The following DOCK3 variants were observed in gnomAD, a reference collection of about 807,000 sequenced individuals.
DOCK3 encodes dedicator of cytokinesis 3.
Under a neutral mutation model 265.6 loss-of-function variants are expected in DOCK3, and 60 were observed. The observed-to-expected ratio is 0.23, with a 90% confidence interval of 0.18 to 0.28. The LOEUF (loss-of-function observed/expected upper bound fraction) is 0.28. Ranked by LOEUF, DOCK3 falls within the 10% of genes least tolerant of loss-of-function variation. The pLI, the probability that DOCK3 is intolerant of heterozygous loss-of-function variation, is 1.00. For synonymous variants in DOCK3, 881 were observed against 938.0 expected, an observed-to-expected ratio of 0.94 and a Z score of 1.11; for missense variants, 1,981 against 2,594.3, an observed-to-expected ratio of 0.76 and a Z score of 5.14.
chr3:51,308,364 G>A (rs2082826749), intron 27 of DOCK3, among the ~76,000 whole-genome samples: 2 of 151,622 alleles, frequency 1.3e-5, no homozygotes, highest in African/African-American at 4.9e-5. Flanking sequence ...AGGACCCTGC[G>A]GCCTTCCGCA....
intron 5 of DOCK3, among the ~76,000 whole-genome samples, chr3:51,027,531 A>G (rs2079871508): frequency 6.6e-6 from 1 of 151,998 alleles, no homozygotes; most frequent in Non-Finnish European, 1.5e-5. Context: ...AATTCTGTCA[A>G]TGGGGTTTTG....
chr3:51,279,969 G>A (rs1265738709), intron 26 of DOCK3, 137 bp from the exon 27 acceptor site: 2 of 681,518 alleles, frequency 2.9e-6, no homozygotes, highest in Non-Finnish European at 2.5e-6. Flanking sequence ...AAGCTTTAGA[G>A]GGCTAGATTT....
intron 8 of DOCK3, among the ~76,000 whole-genome samples, 178 bp from the exon 9 acceptor site, chr3:51,090,052 C>T (rs2082578880): frequency 2.0e-5 from 3 of 148,232 alleles, no homozygotes; most frequent in Non-Finnish European, 3.0e-5. Context: ...CTTGCTTGCC[C>T]ACCTCAACCC....
chr3:50,828,386 A>G (rs2044906386), intron 2 of DOCK3, among the ~76,000 whole-genome samples: 1 of 152,050 alleles, frequency 6.6e-6, no homozygotes, highest in Admixed American at 6.6e-5. Flanking sequence ...TCGTTTGCCC[A>G]CATTTTTTAC....
intron 6 of DOCK3, among the ~76,000 whole-genome samples, chr3:51,067,466 T>TGTGTG: frequency 7.8e-6 from 1 of 128,118 alleles, no homozygotes; most frequent in African/African-American, 3.1e-5. Flanking sequence ...TGCGCGCGCG[T>TGTGTG]TGGAGGGGTA....
chr3:50,829,467 A>G (rs1043680389), intron 2 of DOCK3, among the ~76,000 whole-genome samples: 2 of 152,020 alleles, frequency 1.3e-5, no homozygotes, highest in African/African-American at 4.8e-5. Context: ...ACTGTAATTC[A>G]CTTCTTTCTG....
chr3:51,126,192 T>G (rs908580896), intron 9 of DOCK3, among the ~76,000 whole-genome samples: 1 of 152,204 alleles, frequency 6.6e-6, no homozygotes, highest in Non-Finnish European at 1.5e-5. Flanking sequence ...ATTCATTTAT[T>G]TATCTGATCA....
chr3:51,302,373 CTT>C (rs746139443), intron 27 of DOCK3, among the ~76,000 whole-genome samples: 2 of 152,116 alleles, frequency 1.3e-5, no homozygotes, highest in East Asian at 1.9e-4. Flanking sequence ...GGTCTTGACT[CTT>C]TATACAGTTT....
intron 38 of DOCK3, among the ~76,000 whole-genome samples, chr3:51,344,188 C>T (rs555088261): frequency 6.6e-6 from 1 of 152,322 alleles, no homozygotes; most frequent in African/African-American, 2.4e-5. Flanking sequence ...ATGACTGTTA[C>T]TTCTAATATG....
chr3:50,727,814 A>G (rs1277782071), intron 1 of DOCK3, among the ~76,000 whole-genome samples: 1 of 152,242 alleles, frequency 6.6e-6, no homozygotes, highest in Non-Finnish European at 1.5e-5. Flanking sequence ...AAACAAGCTA[A>G]AGAAGCAAAA....
At chr3:50,724,937 G>A (rs2037719652) in intron 1 of DOCK3, among the ~76,000 whole-genome samples, 1 of 151,542 alleles carries the variant, frequency 6.6e-6, no homozygotes, top group South Asian at 2.1e-4. Context: ...AGGTTGCAGT[G>A]AGCCGAGATA....
Position 50,900,175 on chromosome 3 carries a change from T to C in DOCK3, c.218+10094T>C, listed in dbSNP as rs534007953. On this transcript the variant is annotated intron_variant, in intron 4 of 52. Transcript: ENST00000266037. ...ATTTCTTGGAGGCGTTTTTCGTTTC[T>C]TTTCATTCTTTATTCTCTTATCTTG... Among the ~76,000 whole-genome samples, 8 of 152,346 alleles carry C rather than the reference T, an allele frequency of 5.3e-5. No individual in the cohort carries two copies. The East Asian group carries it at 1.5e-3, about 29-fold the overall frequency.
At chr3:50,916,418 C>T (rs923896313) in intron 4 of DOCK3, among the ~76,000 whole-genome samples, 13 of 151,972 alleles carry the variant, frequency 8.6e-5, no homozygotes, top group Non-Finnish European at 1.2e-4. Context: ...GAGATGGGCC[C>T]GATGCTTCCT....
At chr3:50,891,493 T>C (rs879459656) in intron 4 of DOCK3, among the ~76,000 whole-genome samples, 3 of 152,068 alleles carry the variant, frequency 2.0e-5, no homozygotes, top group Non-Finnish European at 4.4e-5. Flanking sequence ...TTGCAACAAA[T>C]AATCTGCCAT....
chr3:51,069,738 C>T (rs894762467), intron 6 of DOCK3, among the ~76,000 whole-genome samples: 2 of 152,094 alleles, frequency 1.3e-5, no homozygotes, highest in African/African-American at 4.8e-5. Context: ...TTATGTCTCT[C>T]ATCAAGGGAA....
chr3:50,752,500 T>C (rs1576333988), intron 1 of DOCK3, among the ~76,000 whole-genome samples: 2 of 93,482 alleles, frequency 2.1e-5, no homozygotes, highest in Admixed American at 2.7e-4. Context: ...AGAGCGAGAG[T>C]CCGTCTCAAA....
intron 12 of DOCK3, among the ~76,000 whole-genome samples, chr3:51,190,992 A>G (rs2087906387): frequency 6.6e-6 from 1 of 152,150 alleles, no homozygotes. Context: ...GAAGGAATGG[A>G]AAGTAGTAGG....
chr3:51,042,349 T>C (rs1386155841), intron 5 of DOCK3, among the ~76,000 whole-genome samples: 3 of 152,286 alleles, frequency 2.0e-5, no homozygotes, highest in South Asian at 4.1e-4. Flanking sequence ...ATTATCTCAA[T>C]AGATGCAGAA....
chr3:51,114,058 A>G (rs1249725337), intron 9 of DOCK3, among the ~76,000 whole-genome samples: 1 of 151,976 alleles, frequency 6.6e-6, no homozygotes, highest in Non-Finnish European at 1.5e-5. Context: ...GCAGTGAGCC[A>G]TGATTGCATC....
Sources: allele counts gnomAD v4.1 joint callset (sites outside exome capture counted in the v4.1 genomes callset), GRCh38; gene constraint gnomAD v4.1.1; transcripts MANE v1.5; gene names NCBI Gene and HGNC (gene_info 2026-07-23, HGNC 2026-07-21).